ZER1: variants seen among roughly 807,000 people sequenced by gnomAD.
ZER1 encodes the protein zyg-11 related cell cycle regulator, also known as protein zer-1 homolog.
Under a neutral mutation model 78.8 loss-of-function variants are expected in ZER1, and 11 were observed. The ratio of observed to expected loss-of-function variants is 0.14; its 90% CI spans 0.09 to 0.23. The LOEUF is 0.23. Ranked by LOEUF, ZER1 falls within the 10% of genes least tolerant of loss-of-function variation. The probability of loss-of-function intolerance (pLI) is 1.00; values close to 1 mark genes in which losing one functional copy is unlikely to be tolerated. For missense variants in ZER1, 588 were observed against 996.9 expected (o/e 0.59, Z 5.52); for synonymous variants, 400 against 407.0 (o/e 0.98, Z 0.21).
rs201822104 is a variant in ZER1 at position 128,751,251 on chromosome 9, G to A, written c.1056C>T (p.Asn352=). The A allele has an allele frequency of 3.1e-6, 5 of 1,599,072 alleles. No homozygotes were observed. The highest frequency in any genetic ancestry group is 1.1e-5 in the South Asian group (1 of 90,720). Residue 352 remains asparagine, a synonymous_variant, in exon 7 of 16, where the codon AAC becomes AAT. Transcript: ENST00000291900. This position sits in a 1 kb window ranked among gnomAD's most constrained non-coding sequence, Gnocchi z 5.4. ...CGATGGCATTCAGCACCTGCTCTTC[G>A]TTTTTGTCACCACTTACCTGCGGGT... ...IPAYKVSGDK[N]EEQVLNAIEA...
chr9:128,755,245 ACAC>A lies in ZER1; in HGVS notation c.158+160_158+162del, dbSNP rs1863818419. On this transcript the variant is annotated intron_variant, in intron 2 of 15. Coordinates refer to ENST00000291900, the MANE Select transcript of ZER1 (RefSeq NM_006336.4). The surrounding 1 kb of genome is among the most constrained non-coding windows in gnomAD (Gnocchi z 5.6). ...CATATACACCTTTACGGTTATGGATACACCACTATTCTCTTGCAGCCATGAACA... is the reference window on the plus strand; with the variant it reads ...CATATACACCTTTACGGTTATGGATACACTATTCTCTTGCAGCCATGAACA... 6.6e-6 allele frequency among the ~76,000 whole-genome samples: 1 copy of A among 151,986 alleles called. No individual in the cohort carries two copies. Among genetic ancestry groups the A allele is most frequent in the Non-Finnish European group, 1.5e-5 (1 of 67,976 alleles).
At chr9:128,769,344 C>T (rs893860282) in intron 1 of ZER1, among the ~76,000 whole-genome samples, 15 of 152,200 alleles carry the variant, frequency 9.9e-5, no homozygotes, top group African/African-American at 3.4e-4. Context: ...GTGTGAAATA[C>T]TGCATTAAGC....
At position 128,735,803 on chromosome 9, in the gene ZER1, A is replaced by C. The variant is rs1466651253; in HGVS notation, c.2043-372T>G. On this transcript the variant is annotated intron_variant, in intron 13 of 15. Coordinates refer to ENST00000291900, the MANE Select transcript of ZER1 (RefSeq NM_006336.4). ...TTTTTTTTTTTTTTTTGTGAGACGG[A>C]GTTTCGCTCTGTTGCCCAGGCTGGG... 8.1e-5 allele frequency among the ~76,000 whole-genome samples: 7 copies of C among 86,186 alleles called. No individual in the cohort carries two copies. The East Asian group carries it at 2.8e-3, about 34-fold the overall frequency. 56.5% of individuals were successfully genotyped at this position (86,186 alleles called of 152,430 possible).
chr9:128,750,609 G>A lies in ZER1; in HGVS notation c.1359+7C>T. 6.2e-7 allele frequency: 1 copy of A among 1,612,520 alleles called. No homozygotes were observed. Among genetic ancestry groups the A allele is most frequent in the East Asian group, 2.2e-5 (1 of 44,832 alleles). On this transcript the variant is annotated splice_region_variant and intron_variant, in intron 8 of 15. Transcript: ENST00000291900. ...AGCATGCGGGGCCGTGGCGGGTGGG[G>A]GCTCACCGTCACCTCCTGGTAGGAT...
chr9:128,764,693 A>C (rs1404117313), intron 1 of ZER1, among the ~76,000 whole-genome samples: 2 of 152,120 alleles, frequency 1.3e-5, no homozygotes, highest in Non-Finnish European at 2.9e-5. Context: ...CGGGCCTGGC[A>C]CCTGCCAGAG....
intron 7 of ZER1, 123 bp downstream of exon 7, chr9:128,750,987 AGGCTGGGGTTCG>A: frequency 7.1e-7 from 1 of 1,412,218 alleles, no homozygotes; most frequent in Non-Finnish European, 9.4e-7. Context: ...TGTGAGGCCC[AGGCTGGGGTTCG>A]GGTCCTGGGG....
chr9:128,734,463 C>G (rs974652355), intron 14 of ZER1, among the ~76,000 whole-genome samples: 1 of 151,302 alleles, frequency 6.6e-6, no homozygotes, highest in African/African-American at 2.4e-5. Flanking sequence ...TCCCAATGTG[C>G]TAGGATTACA....
rs182291716 is a variant in ZER1 at position 128,743,379 on chromosome 9, G to A, written c.1360-634C>T. On this transcript the variant is annotated intron_variant, in intron 8 of 15. Coordinates refer to ENST00000291900, the MANE Select transcript of ZER1 (RefSeq NM_006336.4). The stretch of plus-strand genomic sequence containing the variant: ...GATCTGCCTGCCTTGGCCTCCCAAA[G>A]TGTTGGGATTACAGGTGTGAGCCAC... Among the ~76,000 whole-genome samples the A allele has an allele frequency of 3.0e-3, 459 of 152,178 alleles. 2 individuals are homozygous for A. The highest frequency in any genetic ancestry group is 6.7e-3 in the Admixed American group (102 of 15,272).
rs1342161086 is a variant in ZER1, at chr9:128,735,757, CCTGGTTTTT to C, written c.2043-335_2043-327del. Among the ~76,000 whole-genome samples the C allele has an allele frequency of 8.8e-4, 68 of 77,362 alleles. 11 individuals are homozygous for C. Among genetic ancestry groups the C allele is most frequent in the African/African-American group, 3.6e-3 (65 of 17,898 alleles). The allele number at this position is 77,362 out of a possible 152,430, so 50.8% of individuals were successfully genotyped here. A position where few individuals can be genotyped will look rare whatever the true frequency, so the allele number is the denominator to read the frequency against. The stretch of plus-strand genomic sequence containing the variant: ...ACCCTGGGAACAGAAGCACGTGTGA[CCTGGTTTTT>C]TTTTTTTTTTTTTTTTTTTTTTTTT... On this transcript the variant is annotated intron_variant, in intron 13 of 15. Coordinates refer to ENST00000291900, the MANE Select transcript of ZER1 (RefSeq NM_006336.4).
intron 1 of ZER1, among the ~76,000 whole-genome samples, chr9:128,759,826 T>C (rs747024076): frequency 6.6e-6 from 1 of 152,136 alleles, no homozygotes; most frequent in Non-Finnish European, 1.5e-5. Context: ...TCAGACTCTA[T>C]ACTCATATTT....
chr9:128,741,389 TG>T, intron 11 of ZER1, 145 bp downstream of exon 11: 1 of 1,225,672 alleles, frequency 8.2e-7, no homozygotes, highest in Non-Finnish European at 1.2e-6. Flanking sequence ...AAATCCTGGG[TG>T]GGTGGGCCTG....
intron 13 of ZER1, among the ~76,000 whole-genome samples, chr9:128,737,531 G>A (rs1248710664): frequency 6.6e-6 from 1 of 152,140 alleles, no homozygotes; most frequent in East Asian, 1.9e-4. Flanking sequence ...AAATGACGAG[G>A]GAGATCCATG....
chr9:128,740,610 G>A lies in ZER1; in HGVS notation c.1853+162C>T, dbSNP rs1368406032. The stretch of plus-strand genomic sequence containing the variant: ...AAAAAAAAAAGATATAATTACAAAA[G>A]GACCACTTACGAAGGATTGAATGAA... On this transcript the variant is annotated intron_variant, in intron 12 of 15. Coordinates refer to ENST00000291900, the MANE Select transcript of ZER1 (RefSeq NM_006336.4). This position sits in a 1 kb window ranked among gnomAD's most constrained non-coding sequence, Gnocchi z 4.4. Among the ~76,000 whole-genome samples, 1 of 151,582 alleles carries A rather than the reference G, an allele frequency of 6.6e-6. No homozygotes were observed. Among genetic ancestry groups the A allele is most frequent in the African/African-American group, 2.4e-5 (1 of 41,278 alleles).
intron 13 of ZER1, among the ~76,000 whole-genome samples, chr9:128,737,945 C>A (rs547123577): frequency 6.6e-6 from 1 of 152,026 alleles, no homozygotes; most frequent in Non-Finnish European, 1.5e-5. Context: ...TCAGGTGATC[C>A]GCCTGCCTCA....
rs1269227667 is a variant in ZER1 at position 128,755,782 on chromosome 9, G to A, written c.-94-123C>T. ...TCCAATTAGCAGCTTAGCAGGGCCA[G>A]GCCCAGGTCTCCTGACTCCTTCTTT... On this transcript the variant is annotated intron_variant, in intron 1 of 15. Transcript: ENST00000291900. This position sits in a 1 kb window ranked among gnomAD's most constrained non-coding sequence, Gnocchi z 5.6. The A allele has an allele frequency of 1.8e-5, 11 of 596,302 alleles. No homozygotes were observed. The Admixed American group carries it at 3.4e-4, about 19-fold the overall frequency. The allele number at this position is 596,302 out of a possible 1,614,324, so 36.9% of individuals were successfully genotyped here.
chr9:128,748,576 TTTTG>T (rs1302096373), intron 8 of ZER1, among the ~76,000 whole-genome samples: 3 of 151,664 alleles, frequency 2.0e-5, no homozygotes, highest in Admixed American at 1.3e-4. Context: ...GTGTATTTGT[TTTTG>T]TTTTTCTTTG....
At chr9:128,765,756 G>A (rs1271136165) in intron 1 of ZER1, among the ~76,000 whole-genome samples, 1 of 152,224 alleles carries the variant, frequency 6.6e-6, no homozygotes, top group African/African-American at 2.4e-5. Context: ...GCCAGAGACT[G>A]GGGGTGTGAG....
At chr9:128,744,041 G>A (rs1453702501) in intron 8 of ZER1, among the ~76,000 whole-genome samples, 1 of 151,804 alleles carries the variant, frequency 6.6e-6, no homozygotes, top group African/African-American at 2.4e-5. Flanking sequence ...AGGATTACAG[G>A]CAACTGCCAC....
At chr9:128,744,383 A>G (rs1442061773) in intron 8 of ZER1, among the ~76,000 whole-genome samples, 8 of 151,074 alleles carry the variant, frequency 5.3e-5, no homozygotes, top group African/African-American at 1.5e-4. Context: ...TAGTAGAGAC[A>G]GGGTTTTACC....
Sources: allele counts gnomAD v4.1 joint callset (sites outside exome capture counted in the v4.1 genomes callset), GRCh38; gene constraint gnomAD v4.1.1; non-coding constraint Gnocchi (gnomAD v3.1); transcripts MANE v1.5; gene names NCBI Gene and HGNC (gene_info 2026-07-23, HGNC 2026-07-21).